Variants in LAMC3 observed in about 807,000 individuals in gnomAD.
The protein encoded by LAMC3 is laminin subunit gamma-3.
In LAMC3, 128 loss-of-function variants were observed where a neutral mutation model predicts 173.8. The ratio of observed to expected loss-of-function variants is 0.74; its 90% CI spans 0.64 to 0.85. LAMC3 has a LOEUF of 0.85. LAMC3 is among the 40% of genes least tolerant of loss of function. LAMC3 has a pLI of 0.00. For missense variants in LAMC3, 2,022 were observed against 2,156.0 expected, an observed-to-expected ratio of 0.94 and a Z score of 1.23; for synonymous variants, 897 against 909.1, an observed-to-expected ratio of 0.99 and a Z score of 0.24.
At chr9:131,052,801 AC>A (rs761415180) in intron 10 of LAMC3, 48 bp from the exon 11 acceptor site, 30 of 747,652 alleles carry the variant, frequency 4.0e-5, no homozygotes, top group South Asian at 5.4e-5. Context: ...CAGGCATGGT[AC>A]CCCCCCACCC....
chr9:131,042,098 G>A (rs1273257015), intron 7 of LAMC3, among the ~76,000 whole-genome samples: 1 of 152,074 alleles, frequency 6.6e-6, no homozygotes, highest in East Asian at 1.9e-4. Context: ...CATCGCTAAT[G>A]GAGCACTATC....
intron 12 of LAMC3, among the ~76,000 whole-genome samples, chr9:131,059,533 C>A (rs1173598175): frequency 1.1e-5 from 1 of 91,248 alleles, no homozygotes; most frequent in Non-Finnish European, 2.8e-5. Context: ...GTCAGCTGAC[C>A]TAGCCGGGGA....
At chr9:131,023,264 A>G (rs73658907) in intron 1 of LAMC3, among the ~76,000 whole-genome samples, 10,015 of 152,202 alleles carry the variant, frequency 0.066, 1,062 homozygotes, top group African/African-American at 0.23. Flanking sequence ...GTGGATGTAT[A>G]TGTTTTCATT....
intron 22 of LAMC3, among the ~76,000 whole-genome samples, chr9:131,078,360 C>T (rs1207816656): frequency 1.3e-5 from 2 of 152,020 alleles, no homozygotes; most frequent in South Asian, 2.1e-4. Context: ...GGCATGGTGG[C>T]GGGCGTCTGT....
intron 13 of LAMC3, among the ~76,000 whole-genome samples, chr9:131,062,541 T>C (rs1376648347): frequency 6.6e-6 from 1 of 152,026 alleles, no homozygotes; most frequent in Non-Finnish European, 1.5e-5. Context: ...TCTAGAACTT[T>C]ATCATCATCC....
Position 131,061,150 on chromosome 9 carries a change from T to C in LAMC3, c.2274T>C (p.Pro758=). 1 of 1,613,166 alleles carries C rather than the reference T, an allele frequency of 6.2e-7. No individual in the cohort carries two copies. Among genetic ancestry groups the C allele is most frequent in the Non-Finnish European group, 8.5e-7 (1 of 1,179,936 alleles). ...ACGACTGCCAGCCCTGTCCCTGCCCTGGCCAGTCGGCCTGTACGACCATCC... is the reference window on the plus strand; with the variant it reads ...ACGACTGCCAGCCCTGTCCCTGCCCCGGCCAGTCGGCCTGTACGACCATCC... ...QADDCQPCPC[P]GQSACTTIPE... The change falls in exon 13 of 28, where the codon CCT becomes CCC. Residue 758 remains proline, a synonymous_variant. Transcript: ENST00000361069.
intron 21 of LAMC3, among the ~76,000 whole-genome samples, chr9:131,076,599 G>A (rs1830132104): frequency 6.6e-6 from 1 of 152,226 alleles, no homozygotes; most frequent in South Asian, 2.1e-4. Flanking sequence ...TGGAAGGGAA[G>A]CCAGAGGTCT....
At chr9:131,011,241 C>A (rs1334005921) in intron 1 of LAMC3, among the ~76,000 whole-genome samples, 1 of 152,150 alleles carries the variant, frequency 6.6e-6, no homozygotes, top group African/African-American at 2.4e-5. Flanking sequence ...ATGTTCAATT[C>A]CCAAACACAT....
intron 12 of LAMC3, among the ~76,000 whole-genome samples, chr9:131,058,787 G>C (rs1475819729): frequency 6.6e-6 from 1 of 151,754 alleles, no homozygotes; most frequent in Admixed American, 6.6e-5. Flanking sequence ...CCAGCTGCTT[G>C]GGAGGCTGAG....
At chr9:131,077,052 C>T in intron 21 of LAMC3, 135 bp from the exon 22 acceptor site, 1 of 1,187,824 alleles carries the variant, frequency 8.4e-7, no homozygotes, top group Non-Finnish European at 1.2e-6. Flanking sequence ...GGCAGCTGTA[C>T]CTACCCCGCA....
At position 131,092,564 on chromosome 9, in the gene LAMC3, C is replaced by T. The variant is rs1450770486; in HGVS notation, c.*777C>T. ...CACCGGACGCTTCCCTCTCAGGGTC[C>T]TGGGACTGCACCAGATGCCCTGAGG... is the stretch of plus-strand genomic sequence containing the variant. On this transcript the variant is annotated 3_prime_UTR_variant, in exon 28 of 28. Coordinates refer to ENST00000361069, the MANE Select transcript of LAMC3 (RefSeq NM_006059.4). The T allele has an allele frequency of 6.5e-6, 1 of 152,704 alleles. No homozygotes were observed. Among genetic ancestry groups the T allele is most frequent in the Admixed American group, 6.5e-5 (1 of 15,350 alleles). The allele number at this position is 152,704 out of a possible 1,614,324, so 9.5% of individuals were successfully genotyped here.
At chr9:131,044,958 C>T (rs184632023) in intron 7 of LAMC3, among the ~76,000 whole-genome samples, 1 of 152,152 alleles carries the variant, frequency 6.6e-6, no homozygotes, top group Non-Finnish European at 1.5e-5. Flanking sequence ...CGCGGTGGCT[C>T]AAGCCTGAAA....
intron 8 of LAMC3, among the ~76,000 whole-genome samples, chr9:131,048,130 C>T (rs991163612): frequency 7.2e-6 from 1 of 139,660 alleles, no homozygotes; most frequent in Non-Finnish European, 1.5e-5. Context: ...AATCTCAGCT[C>T]GCTGCAACCT....
Position 131,087,794 on chromosome 9 carries a change from T to G in LAMC3, c.4454T>G (p.Leu1485Trp). The change falls in exon 27 of 28, where the codon TTG becomes TGG. Residue 1485 changes from leucine to tryptophan, a missense_variant. By Grantham distance (61) the Leu-to-Trp change is moderately conservative (BLOSUM62 -2). Coordinates refer to ENST00000361069, the MANE Select transcript of LAMC3 (RefSeq NM_006059.4). ...RISLEKDIETLSELLARLGSL... is the reference protein window; with the variant it reads ...RISLEKDIETWSELLARLGSL... ...TCACTGGAGAAGGACATCGAGACCT[T>G]GTCAGAGCTGCTTGCCAGGCTGGGT... 6.2e-7 allele frequency: 1 copy of G among 1,613,990 alleles called. No individual in the cohort carries two copies. Among genetic ancestry groups the G allele is most frequent in the Non-Finnish European group, 8.5e-7 (1 of 1,180,010 alleles).
At chr9:131,061,708 C>T (rs1287318712) in intron 13 of LAMC3, among the ~76,000 whole-genome samples, 3 of 152,126 alleles carry the variant, frequency 2.0e-5, no homozygotes, top group Non-Finnish European at 2.9e-5. Flanking sequence ...TTTTAAAAAG[C>T]AGCTTTATTG....
intron 25 of LAMC3, 124 bp from the exon 26 acceptor site, chr9:131,087,352 T>G: frequency 1.7e-6 from 2 of 1,203,098 alleles, no homozygotes. Context: ...GTTGCGTGCA[T>G]GAATGAATGA....
At chr9:131,087,882 G>A (rs1474596809) in intron 27 of LAMC3, 65 bp downstream of exon 27, 46 of 1,229,284 alleles carry the variant, frequency 3.7e-5, no homozygotes, top group Non-Finnish European at 5.2e-5. Context: ...GGATCTTCCT[G>A]TGAGCTCCAG....
chr9:131,077,400 G>A, intron 22 of LAMC3, 66 bp downstream of exon 22: 12 of 1,591,404 alleles, frequency 7.5e-6, no homozygotes, highest in Non-Finnish European at 1.0e-5. Context: ...CTGGAGGCTG[G>A]GCACGGTGGC....
At chr9:131,032,535 TCTCTCTCTCTTG>T (rs1833849374) in intron 3 of LAMC3, among the ~76,000 whole-genome samples, 1 of 128,292 alleles carries the variant, frequency 7.8e-6, no homozygotes, top group South Asian at 2.5e-4. Flanking sequence ...TCTCTCGCTG[TCTCTCTCTCTTG>T]CTCTCTCTCG....
Sources: allele counts gnomAD v4.1 joint callset (sites outside exome capture counted in the v4.1 genomes callset), GRCh38; gene constraint gnomAD v4.1.1; transcripts MANE v1.5; gene names NCBI Gene and HGNC (gene_info 2026-07-23, HGNC 2026-07-21).